Variants in ITGA9 observed in about 807,000 individuals in gnomAD.
The protein encoded by ITGA9 is integrin subunit alpha 9.
Under a neutral mutation model 127.8 loss-of-function variants are expected in ITGA9, and 56 were observed. The observed-to-expected ratio is 0.44, with a 90% CI of 0.35 to 0.55. ITGA9 has a LOEUF of 0.55. Ranked by LOEUF, ITGA9 falls within the 20% of genes least tolerant of loss-of-function variation. The probability of loss-of-function intolerance (pLI) is 0.00; values close to 1 mark genes in which losing one functional copy is unlikely to be tolerated. For synonymous variants in ITGA9, 508 were observed against 514.5 expected (o/e 0.99, Z 0.17); for missense variants, 1,196 against 1,347.1 (o/e 0.89, Z 1.76).
chr3:37,781,038 C>A (rs1293280502), intron 25 of ITGA9, among the ~76,000 whole-genome samples: 1 of 152,250 alleles, frequency 6.6e-6, no homozygotes, highest in Non-Finnish European at 1.5e-5. Context: ...CTGGGCTCCA[C>A]CCCAGACTTA....
chr3:37,696,817 A>C (rs1700889636), intron 18 of ITGA9, among the ~76,000 whole-genome samples: 1 of 152,164 alleles, frequency 6.6e-6, no homozygotes, highest in African/African-American at 2.4e-5. Context: ...TTGGAAGTGT[A>C]ATCATGTCAT....
At chr3:37,555,932 G>A (rs575929979) in intron 15 of ITGA9, among the ~76,000 whole-genome samples, 107 of 152,342 alleles carry the variant, frequency 7.0e-4, no homozygotes, top group Admixed American at 1.8e-3. Flanking sequence ...GATAAAAGGT[G>A]GCAGTGCAGA....
At chr3:37,639,198 C>A (rs1700309426) in intron 16 of ITGA9, among the ~76,000 whole-genome samples, 1 of 152,188 alleles carries the variant, frequency 6.6e-6, no homozygotes, top group East Asian at 1.9e-4. Flanking sequence ...AAAAGACAAC[C>A]TTTTTTTCAT....
intron 19 of ITGA9, among the ~76,000 whole-genome samples, chr3:37,734,410 A>G (rs1224224583): frequency 6.6e-6 from 1 of 152,236 alleles, no homozygotes; most frequent in African/African-American, 2.4e-5. Context: ...AACAGTTTCC[A>G]TTTCATTTTA....
At chr3:37,575,974 G>C (rs1699650409) in intron 15 of ITGA9, among the ~76,000 whole-genome samples, 1 of 152,226 alleles carries the variant, frequency 6.6e-6, no homozygotes, top group African/African-American at 2.4e-5. Context: ...CCAGAGTCAA[G>C]TAAAAGGATG....
intron 26 of ITGA9, among the ~76,000 whole-genome samples, chr3:37,788,327 A>T (rs967761415): frequency 8.5e-5 from 13 of 152,166 alleles, no homozygotes; most frequent in Non-Finnish European, 1.5e-5. Context: ...CACTACTAGG[A>T]TATGAAAAAC....
rs1468181173 is a variant in ITGA9, at chr3:37,677,550, A to G, written c.1917-6315A>G. 3.3e-5 allele frequency among the ~76,000 whole-genome samples: 5 copies of G among 152,366 alleles called. No individual in the cohort carries two copies. The East Asian group carries it at 9.6e-4, about 29-fold the overall frequency. ...TATTCTAAATGCTAAGGAAATAAAC[A>G]CAATTTTATTTATAATCTTATAGCC... On this transcript the variant is annotated intron_variant, in intron 17 of 27. Transcript: ENST00000264741.
At chr3:37,488,630 C>T (rs995527517) in intron 4 of ITGA9, among the ~76,000 whole-genome samples, 2 of 151,838 alleles carry the variant, frequency 1.3e-5, no homozygotes, top group Non-Finnish European at 2.9e-5. Context: ...AACCCTGCCT[C>T]TACTAAAAAA....
intron 23 of ITGA9, among the ~76,000 whole-genome samples, chr3:37,764,191 C>T (rs1696752526): frequency 6.6e-6 from 1 of 152,088 alleles, no homozygotes; most frequent in Admixed American, 6.5e-5. Flanking sequence ...TGACTTCCCC[C>T]TTCTCTTCCA....
At chr3:37,752,197 C>T (rs191418477) in intron 23 of ITGA9, among the ~76,000 whole-genome samples, 7 of 152,358 alleles carry the variant, frequency 4.6e-5, no homozygotes, top group African/African-American at 1.7e-4. Flanking sequence ...AGAATGCTCA[C>T]TGGGTCAGGT....
At chr3:37,542,711 C>T in intron 15 of ITGA9, 126 bp downstream of exon 15, 1 of 939,254 alleles carries the variant, frequency 1.1e-6, no homozygotes, top group Non-Finnish European at 1.7e-6. Flanking sequence ...CAGGGAGGAG[C>T]ATATCCATTT....
At chr3:37,479,227 G>A (rs866755228) in intron 3 of ITGA9, among the ~76,000 whole-genome samples, 3 of 152,178 alleles carry the variant, frequency 2.0e-5, no homozygotes, top group African/African-American at 7.2e-5. Flanking sequence ...TATTTACTTA[G>A]TGATATATTT....
intron 14 of ITGA9, among the ~76,000 whole-genome samples, chr3:37,536,377 AGCAG>A (rs1699208557): frequency 1.3e-5 from 2 of 152,224 alleles, no homozygotes; most frequent in African/African-American, 4.8e-5. Context: ...TGAGTTTGTT[AGCAG>A]GACGGCTGCA....
chr3:37,566,092 TTCATAAGAAGTTATAAC>T (rs1376724306), intron 15 of ITGA9, among the ~76,000 whole-genome samples: 4 of 152,206 alleles, frequency 2.6e-5, no homozygotes, highest in African/African-American at 4.8e-5. Flanking sequence ...TAGTTTAAGA[TTCATAAGAAGTTATAAC>T]TCATAAGAAG....
At position 37,724,466 on chromosome 3, in the gene ITGA9, C is replaced by T. The variant is rs1318877579; in HGVS notation, c.2068-8246C>T. Among the ~76,000 whole-genome samples, 7 of 152,238 alleles carry T rather than the reference C, an allele frequency of 4.6e-5. No homozygotes were observed. In the South Asian group the frequency reaches 6.2e-4, roughly 14 times the overall value. ...TAGTTTTTCCCCCTCTATTAAAATG[C>T]GTTAATTTGGAGTCTTTGCTTACTA... On this transcript the variant is annotated intron_variant, in intron 18 of 27. Coordinates refer to ENST00000264741, the MANE Select transcript of ITGA9 (RefSeq NM_002207.3).
rs190367763 is a variant in ITGA9, at chr3:37,634,315, A to T, written c.1839+4979A>T. On this transcript the variant is annotated intron_variant, in intron 16 of 27. Coordinates refer to ENST00000264741, the MANE Select transcript of ITGA9 (RefSeq NM_002207.3). ...AGACATGGAGTGGTTAAATGGATTTAAAAAAAAAAAAACAAAAAACAAGAC... is the reference window on the plus strand; with the variant it reads ...AGACATGGAGTGGTTAAATGGATTTTAAAAAAAAAAAACAAAAAACAAGAC... Among the ~76,000 whole-genome samples the T allele has an allele frequency of 7.9e-3, 1,132 of 143,552 alleles. 15 individuals are homozygous for T. The highest frequency in any genetic ancestry group is 0.027 in the African/African-American group (1,051 of 39,618). 94.2% of individuals were successfully genotyped at this position (143,552 alleles called of 152,430 possible). A position where few individuals can be genotyped will look rare whatever the true frequency, so the allele number is the denominator to read the frequency against.
At chr3:37,667,016 G>A (rs1245343083) in intron 17 of ITGA9, among the ~76,000 whole-genome samples, 1 of 152,120 alleles carries the variant, frequency 6.6e-6, no homozygotes, top group East Asian at 1.9e-4. Context: ...ATGGGAAAAG[G>A]CCCTTAGATA....
At chr3:37,480,780 C>T (rs902242231) in intron 3 of ITGA9, among the ~76,000 whole-genome samples, 4 of 152,170 alleles carry the variant, frequency 2.6e-5, no homozygotes, top group African/African-American at 9.7e-5. Flanking sequence ...CTGAAGCCAC[C>T]CCCGTCGCCC....
intron 4 of ITGA9, among the ~76,000 whole-genome samples, chr3:37,494,268 G>A (rs1047538094): frequency 6.6e-6 from 1 of 152,166 alleles, no homozygotes; most frequent in Admixed American, 6.5e-5. Flanking sequence ...ACGAGGGGAG[G>A]AAGTCTGCTG....
Sources: allele counts gnomAD v4.1 joint callset (sites outside exome capture counted in the v4.1 genomes callset), GRCh38; gene constraint gnomAD v4.1.1; transcripts MANE v1.5; gene names NCBI Gene and HGNC (gene_info 2026-07-23, HGNC 2026-07-21).